GALNTL6: variants seen among roughly 807,000 people sequenced by gnomAD.
The protein encoded by GALNTL6 is polypeptide N-acetylgalactosaminyltransferase-like 6.
In GALNTL6, 46 loss-of-function variants were observed where a neutral mutation model predicts 73.7. The ratio of observed to expected loss-of-function variants is 0.62; its 90% confidence interval spans 0.49 to 0.80. The LOEUF (loss-of-function observed/expected upper bound fraction) is 0.80, where lower values mean the gene tolerates loss of function less well. Among genes scored for constraint, GALNTL6 ranks in the 30% least tolerant of loss-of-function variants. The pLI is 0.00. For missense variants in GALNTL6, 604 were observed against 755.0 expected (o/e 0.80, Z 2.34); for synonymous variants, 259 against 263.7 (o/e 0.98, Z 0.17).
chr4:171,844,891 C>A (rs1297575192), intron 2 of GALNTL6, among the ~76,000 whole-genome samples: 3 of 152,228 alleles, frequency 2.0e-5, no homozygotes, highest in East Asian at 1.9e-4. Context: ...GAGATCTCTG[C>A]GGTCTATTGC....
At chr4:171,845,283 G>C (rs1329150915) in intron 2 of GALNTL6, among the ~76,000 whole-genome samples, 4 of 152,132 alleles carry the variant, frequency 2.6e-5, no homozygotes, top group Non-Finnish European at 5.9e-5. Context: ...AAATCTGACA[G>C]AGACAAACTA....
intron 3 of GALNTL6, among the ~76,000 whole-genome samples, chr4:172,267,592 C>T (rs1015841187): frequency 1.3e-5 from 2 of 151,986 alleles, no homozygotes; most frequent in African/African-American, 2.4e-5. Flanking sequence ...TCTTTCCTAC[C>T]TGCCAAAGAG....
At position 172,574,696 on chromosome 4, in the gene GALNTL6, C is replaced by T. The variant is rs139717003; in HGVS notation, c.553+226007C>T. Reference sequence around the variant, plus strand: ...CACAAGAAAAAAATTGCTTCAAGTACATAATTTAGATATAAATTATCTAAC... The same window carrying T: ...CACAAGAAAAAAATTGCTTCAAGTATATAATTTAGATATAAATTATCTAAC... On this transcript the variant is annotated intron_variant, in intron 5 of 12. Transcript: ENST00000506823. 3.8e-3 allele frequency among the ~76,000 whole-genome samples: 573 copies of T among 151,848 alleles called. 1 individual carries two copies. The highest frequency in any genetic ancestry group is 0.013 in the African/African-American group (549 of 41,454).
At chr4:172,931,068 T>C (rs1748308617) in intron 8 of GALNTL6, 93 bp from the exon 9 acceptor site, 2 of 765,800 alleles carry the variant, frequency 2.6e-6, no homozygotes, top group South Asian at 1.5e-5. Flanking sequence ...TTAAAGACTT[T>C]TAGAGATTTT....
intron 5 of GALNTL6, among the ~76,000 whole-genome samples, chr4:172,483,747 G>A (rs1020090976): frequency 3.3e-5 from 5 of 152,056 alleles, no homozygotes; most frequent in Non-Finnish European, 5.9e-5. Flanking sequence ...GATACAAGGG[G>A]GAGAGTCAAA....
chr4:172,321,907 A>G (rs1175909043), intron 4 of GALNTL6, among the ~76,000 whole-genome samples: 3 of 152,188 alleles, frequency 2.0e-5, no homozygotes, highest in Non-Finnish European at 2.9e-5. Context: ...AGAGAGAAAC[A>G]TCTGAAACTG....
chr4:172,432,139 G>C (rs548504458), intron 5 of GALNTL6, among the ~76,000 whole-genome samples: 1 of 152,006 alleles, frequency 6.6e-6, no homozygotes, highest in Non-Finnish European at 1.5e-5. Context: ...TAGAATTCTT[G>C]AGTCAGTAGA....
intron 2 of GALNTL6, among the ~76,000 whole-genome samples, chr4:171,983,627 G>A (rs537997967): frequency 3.3e-5 from 5 of 152,012 alleles, no homozygotes; most frequent in Admixed American, 2.6e-4. Flanking sequence ...AAGGTGCTGG[G>A]ATTACAAGTG....
chr4:172,188,488 C>G (rs544008624), intron 2 of GALNTL6, among the ~76,000 whole-genome samples: 1 of 152,104 alleles, frequency 6.6e-6, no homozygotes, highest in Non-Finnish European at 1.5e-5. Flanking sequence ...AAAAGTGACA[C>G]GGTGTCTGCT....
intron 10 of GALNTL6, among the ~76,000 whole-genome samples, chr4:172,994,425 C>T (rs796486969): frequency 3.7e-4 from 57 of 152,140 alleles, no homozygotes; most frequent in African/African-American, 1.3e-3. Context: ...GTATTTTTAC[C>T]ACACCTCAGC....
At chr4:172,395,415 T>A (rs1743813158) in intron 5 of GALNTL6, among the ~76,000 whole-genome samples, 2 of 152,214 alleles carry the variant, frequency 1.3e-5, no homozygotes, top group Non-Finnish European at 2.9e-5. Context: ...TTTTTTATTT[T>A]AATCAGAATT....
At chr4:172,741,889 C>T (rs1050685868) in intron 5 of GALNTL6, among the ~76,000 whole-genome samples, 1 of 151,852 alleles carries the variant, frequency 6.6e-6, no homozygotes, top group East Asian at 1.9e-4. Context: ...CTAAATCACA[C>T]AAATCCCACC....
intron 5 of GALNTL6, among the ~76,000 whole-genome samples, chr4:172,528,525 T>A (rs1242545762): frequency 6.6e-6 from 1 of 151,114 alleles, no homozygotes; most frequent in Admixed American, 6.6e-5. Flanking sequence ...GCCCGGCTAA[T>A]TTTTTATATT....
intron 5 of GALNTL6, among the ~76,000 whole-genome samples, chr4:172,555,690 A>G (rs1736116354): frequency 6.6e-6 from 1 of 152,110 alleles, no homozygotes; most frequent in Non-Finnish European, 1.5e-5. Flanking sequence ...AATGCAAAAA[A>G]AATTCTGTGT....
intron 2 of GALNTL6, among the ~76,000 whole-genome samples, chr4:171,902,286 T>C (rs756255388): frequency 1.9e-4 from 29 of 152,312 alleles, no homozygotes; most frequent in Non-Finnish European, 3.7e-4. Flanking sequence ...GGTGGGAAAG[T>C]ATATTATCAC....
At chr4:172,192,418 A>C (rs1300635595) in intron 2 of GALNTL6, among the ~76,000 whole-genome samples, 1 of 151,970 alleles carries the variant, frequency 6.6e-6, no homozygotes, top group Non-Finnish European at 1.5e-5. Flanking sequence ...AGCATCAGTC[A>C]GTGGCTCCCA....
intron 8 of GALNTL6, among the ~76,000 whole-genome samples, chr4:172,891,821 G>GT (rs1293706584): frequency 1.1e-4 from 16 of 152,004 alleles, no homozygotes; most frequent in African/African-American, 3.9e-4. Context: ...TTTATTGCTG[G>GT]TTTTGTTCAT....
intron 5 of GALNTL6, among the ~76,000 whole-genome samples, chr4:172,648,103 G>A (rs548028204): frequency 6.6e-6 from 1 of 152,218 alleles, no homozygotes; most frequent in African/African-American, 2.4e-5. Context: ...AGAATTGGGT[G>A]GGACTAGGGA....
chr4:172,234,973 A>G (rs1053337871), intron 3 of GALNTL6, among the ~76,000 whole-genome samples: 1 of 152,132 alleles, frequency 6.6e-6, no homozygotes, highest in African/African-American at 2.4e-5. Context: ...CGTTTTATGT[A>G]GTTACAGTAG....
Sources: allele counts gnomAD v4.1 joint callset (sites outside exome capture counted in the v4.1 genomes callset), GRCh38; gene constraint gnomAD v4.1.1; transcripts MANE v1.5; gene names NCBI Gene and HGNC (gene_info 2026-07-23, HGNC 2026-07-21).